ECE1: variants seen among roughly 807,000 people sequenced by gnomAD.
ECE1 encodes endothelin converting enzyme 1.
Under a neutral mutation model 98.6 loss-of-function variants are expected in ECE1, and 35 were observed. The observed-to-expected ratio is 0.35, with a 90% CI of 0.27 to 0.47. The LOEUF (loss-of-function observed/expected upper bound fraction) is 0.47, where lower values mean the gene tolerates loss of function less well. Among genes scored for constraint, ECE1 ranks in the 20% least tolerant of loss-of-function variants. ECE1 has a pLI of 1.00. For synonymous variants in ECE1, 394 were observed against 407.1 expected, an observed-to-expected ratio of 0.97 and a Z score of 0.39; for missense variants, 814 against 1,025.3, an observed-to-expected ratio of 0.79 and a Z score of 2.81.
intron 2 of ECE1, among the ~76,000 whole-genome samples, chr1:21,284,843 G>C (rs1361182900): frequency 1.3e-5 from 2 of 152,204 alleles, no homozygotes; most frequent in Non-Finnish European, 2.9e-5. Flanking sequence ...GAGTGGTCTG[G>C]GCAAGGGTCT....
At chr1:21,232,932 C>A (rs571125756) in intron 14 of ECE1, among the ~76,000 whole-genome samples, 1 of 151,988 alleles carries the variant, frequency 6.6e-6, no homozygotes, top group South Asian at 2.1e-4. Flanking sequence ...ACCTGTCTTG[C>A]CCTCCCAAAG....
rs1223010435 is a variant in ECE1 at position 21,233,943 on chromosome 1, C to T, written c.1567-282G>A. 6.6e-6 allele frequency among the ~76,000 whole-genome samples: 1 copy of T among 152,088 alleles called. No homozygotes were observed. The highest frequency in any genetic ancestry group is 1.9e-4 in the East Asian group (1 of 5,190). On this transcript the variant is annotated intron_variant, in intron 13 of 18. Coordinates refer to ENST00000374893, the MANE Select transcript of ECE1 (RefSeq NM_001397.3). The surrounding 1 kb of genome is among the most constrained non-coding windows in gnomAD (Gnocchi z 4.0). ...CTCCTGCGATGATGGATGTTCTGTG[C>T]TCTATGCCTGCGCTGTCCAGTATGG...
intron 1 of ECE1, among the ~76,000 whole-genome samples, chr1:21,300,065 C>G (rs1056853633): frequency 1.3e-5 from 2 of 152,266 alleles, no homozygotes; most frequent in Non-Finnish European, 2.9e-5. Flanking sequence ...TCAACTGTCT[C>G]TGAGAACTGG....
chr1:21,251,478 G>A (rs1214064136), intron 8 of ECE1, among the ~76,000 whole-genome samples: 1 of 152,230 alleles, frequency 6.6e-6, no homozygotes, highest in Non-Finnish European at 1.5e-5. Flanking sequence ...TCATGCCACT[G>A]CACTCCAGCC....
chr1:21,336,020 A>G (rs910073308), intron 1 of ECE1, among the ~76,000 whole-genome samples: 1 of 152,244 alleles, frequency 6.6e-6, no homozygotes, highest in Non-Finnish European at 1.5e-5. Flanking sequence ...CCCTGGGGGC[A>G]GGGGCAGGGC....
intron 3 of ECE1, among the ~76,000 whole-genome samples, chr1:21,276,332 C>A (rs1167296656): frequency 1.3e-5 from 2 of 151,992 alleles, no homozygotes; most frequent in Non-Finnish European, 2.9e-5. Context: ...GGCCTCAATA[C>A]GTGTTTTTGA....
At chr1:21,321,040 A>C (rs1638952368) in intron 1 of ECE1, among the ~76,000 whole-genome samples, 1 of 152,002 alleles carries the variant, frequency 6.6e-6, no homozygotes, top group Non-Finnish European at 1.5e-5. Flanking sequence ...ATTTTCCCAC[A>C]TAATCTTCAT....
At chr1:21,308,544 G>A (rs577148656) in intron 1 of ECE1, among the ~76,000 whole-genome samples, 1 of 152,302 alleles carries the variant, frequency 6.6e-6, no homozygotes, top group East Asian at 1.9e-4. Flanking sequence ...TGGGATCAGA[G>A]ACAAGATCAA....
In ECE1 at chr1:21,310,023, CTCGTG is replaced by C. The variant is rs375669012; in HGVS notation, c.4-19872_4-19868del. ...GCCAGGATGGTCTCGATCTCCTGAC[CTCGTG>C]TCGTGATCCACCCGCCTCGGCCTCC... On this transcript the variant is annotated intron_variant, in intron 1 of 18. Transcript: ENST00000415912. Among the ~76,000 whole-genome samples, 724 of 152,206 alleles carry C rather than the reference CTCGTG, an allele frequency of 4.8e-3. 3 individuals carry two copies. Among genetic ancestry groups the C allele is most frequent in the African/African-American group, 0.016 (666 of 41,538 alleles).
In ECE1 at chr1:21,290,027, GC is replaced by G; in HGVS notation, c.138+42del. ...CGGCAGCGGCAGCGCGCATGCCCGG[GC>G]CCGGGGCGCCTGGACCTCGGGAGGG... On this transcript the variant is annotated intron_variant, in intron 2 of 18. Transcript: ENST00000374893. The surrounding 1 kb of genome is among the most constrained non-coding windows in gnomAD (Gnocchi z 7.3). 7.6e-7 allele frequency: 1 copy of G among 1,314,038 alleles called. No homozygotes were observed. The highest frequency in any genetic ancestry group is 1.9e-5 in the South Asian group (1 of 52,532). 81.4% of individuals were successfully genotyped at this position (1,314,038 alleles called of 1,614,324 possible).
Position 21,260,169 on chromosome 1 carries a change from C to T in ECE1, c.615+102G>A, listed in dbSNP as rs1465522591. The T allele has an allele frequency of 3.9e-6, 6 of 1,529,468 alleles. No individual in the cohort carries two copies. The East Asian group carries it at 6.8e-5, about 17-fold the overall frequency. The allele number at this position is 1,529,468 out of a possible 1,614,324, so 94.7% of individuals were successfully genotyped here. ...CTTTCTCTTGGTGCTACCGGCTGGA[C>T]GTATGAGGTGGGCCAGTGGTACCAG... On this transcript the variant is annotated intron_variant, in intron 5 of 18. Transcript: ENST00000374893. This position sits in a 1 kb window ranked among gnomAD's most constrained non-coding sequence, Gnocchi z 4.3.
intron 8 of ECE1, 112 bp downstream of exon 8, chr1:21,255,835 T>C: frequency 8.4e-7 from 1 of 1,197,262 alleles, no homozygotes; most frequent in African/African-American, 1.5e-5. Flanking sequence ...ATCCTTCCTT[T>C]GTCACATAGT....
At chr1:21,324,976 G>T (rs148753738) in intron 1 of ECE1, among the ~76,000 whole-genome samples, 4 of 152,184 alleles carry the variant, frequency 2.6e-5, no homozygotes, top group Non-Finnish European at 2.9e-5. Flanking sequence ...AACAGTTCTC[G>T]TTAAGCCATG....
At position 21,227,205 on chromosome 1, in the gene ECE1, T is replaced by C; in HGVS notation, c.1803A>G (p.Ile601Met). Residue 601 changes from isoleucine to methionine, a missense_variant, in exon 16 of 19, where the codon ATA becomes ATG. Physicochemically the swap from Ile to Met is conservative, Grantham distance 10 (BLOSUM62 1). This residue lies in a region of ECE1 where 452 missense variants were observed against 567.3 expected (regional missense o/e 0.80). Coordinates refer to ENST00000374893, the MANE Select transcript of ECE1 (RefSeq NM_001397.3). ...SSPKALNFGGIGVVVGHELTH... is the reference protein window; with the variant it reads ...SSPKALNFGGMGVVVGHELTH... The stretch of plus-strand genomic sequence containing the variant: ...TCAGCTCATGGCCCACGACGACACC[T>C]ATGCCACCAAAGTTTAAGGCCCTGG... 6.2e-7 allele frequency: 1 copy of C among 1,614,092 alleles called. No homozygotes were observed. Among genetic ancestry groups the C allele is most frequent in the Non-Finnish European group, 8.5e-7 (1 of 1,179,956 alleles).
intron 10 of ECE1, among the ~76,000 whole-genome samples, chr1:21,239,569 T>C (rs547825572): frequency 1.3e-5 from 2 of 152,146 alleles, no homozygotes; most frequent in Non-Finnish European, 1.5e-5. Context: ...GCTACTGATA[T>C]ATACGACAGC....
At chr1:21,266,021 G>A (rs1308995414) in intron 4 of ECE1, 1 of 152,212 alleles carries the variant, frequency 6.6e-6, no homozygotes, top group Non-Finnish European at 1.5e-5. Flanking sequence ...TCCCAGAGAG[G>A]AAGACAGAGC....
Position 21,225,212 on chromosome 1 carries a change from C to G in ECE1, c.2040+38G>C. On this transcript the variant is annotated intron_variant, in intron 17 of 18. Coordinates refer to ENST00000374893, the MANE Select transcript of ECE1 (RefSeq NM_001397.3). The surrounding 1 kb of genome is among the most constrained non-coding windows in gnomAD (Gnocchi z 5.3). ...CGGACAGGCATCTGGAAGGAGCCAG[C>G]ACTGGGACCGTGCGCGTGTGGGGAG... The G allele has an allele frequency of 1.2e-6, 2 of 1,611,236 alleles. No individual in the cohort carries two copies. Among genetic ancestry groups the G allele is most frequent in the Non-Finnish European group, 1.7e-6 (2 of 1,179,002 alleles).
intron 5 of ECE1, among the ~76,000 whole-genome samples, chr1:21,259,699 C>T (rs1056593895): frequency 6.6e-6 from 1 of 152,172 alleles, no homozygotes; most frequent in East Asian, 1.9e-4. Flanking sequence ...ACGAGGCAGG[C>T]AGAAAACATC....
chr1:21,256,888 G>C (rs2098220615), intron 7 of ECE1, among the ~76,000 whole-genome samples: 1 of 152,170 alleles, frequency 6.6e-6, no homozygotes, highest in Admixed American at 6.5e-5. Flanking sequence ...GAAGGCTATG[G>C]TGGTCTTGTC....
Sources: allele counts gnomAD v4.1 joint callset (sites outside exome capture counted in the v4.1 genomes callset), GRCh38; gene constraint gnomAD v4.1.1; regional missense constraint gnomAD v4.1.1; non-coding constraint Gnocchi (gnomAD v3.1); transcripts MANE v1.5; gene names NCBI Gene and HGNC (gene_info 2026-07-23, HGNC 2026-07-21).